STYX: variants seen among roughly 807,000 people sequenced by gnomAD.
The protein encoded by STYX is serine/threonine/tyrosine interacting protein, also known as serine/threonine/tyrosine-interacting protein.
In STYX, 20 loss-of-function variants were observed where a neutral mutation model predicts 42.7. The ratio of observed to expected loss-of-function variants is 0.47; its 90% CI spans 0.33 to 0.68. The LOEUF is 0.68. Among genes scored for constraint, STYX ranks in the 30% least tolerant of loss-of-function variants. STYX has a pLI of 0.02. For synonymous variants in STYX, 78 were observed against 81.9 expected, an observed-to-expected ratio of 0.95 and a Z score of 0.26; for missense variants, 226 against 268.5, an observed-to-expected ratio of 0.84 and a Z score of 1.11.
intron 10 of STYX, among the ~76,000 whole-genome samples, 197 bp downstream of exon 10, chr14:52,769,130 G>T: frequency 6.6e-6 from 1 of 152,190 alleles, no homozygotes; most frequent in South Asian, 2.1e-4. Context: ...TAGTACATCC[G>T]TGTTGTAAAG....
intron 3 of STYX, among the ~76,000 whole-genome samples, chr14:52,747,707 C>T (rs1881443449): frequency 6.6e-6 from 1 of 152,176 alleles, no homozygotes; most frequent in African/African-American, 2.4e-5. Context: ...CAGTATTTAT[C>T]ACATTAAATT....
At position 52,773,300 on chromosome 14, in the gene STYX, T is replaced by G. The variant is rs950949857; in HGVS notation, c.*2194T>G. 65 of 151,256 alleles carry G rather than the reference T, an allele frequency of 4.3e-4. No homozygotes were observed. The highest frequency in any genetic ancestry group is 8.5e-4 in the Non-Finnish European group (58 of 67,952). The allele number at this position is 151,256 out of a possible 1,614,324, so 9.4% of individuals were successfully genotyped here. A position where few individuals can be genotyped will look rare whatever the true frequency, so the allele number is the denominator to read the frequency against. On this transcript the variant is annotated 3_prime_UTR_variant, in exon 11 of 11. Transcript: ENST00000354586. ...ACTGGGAAAAGGGACTGTCATCATCTTGAGTACTCTGTGTGTATATATATA... is the reference window on the plus strand; with the variant it reads ...ACTGGGAAAAGGGACTGTCATCATCGTGAGTACTCTGTGTGTATATATATA...
In STYX at chr14:52,762,838, TG is replaced by T. The variant is rs1434614596; in HGVS notation, c.504+3085del. Among the ~76,000 whole-genome samples, 4 of 151,554 alleles carry T rather than the reference TG, an allele frequency of 2.6e-5. No individual in the cohort carries two copies. The South Asian group carries it at 8.3e-4, about 31-fold the overall frequency. On this transcript the variant is annotated intron_variant, in intron 9 of 10. Transcript: ENST00000354586. ...TTCTCAGACAACATTCTTCATTTGG[TG>T]TATCGGTTTGATTTTTTCTTTTCTT...
rs1882410582 is a variant in STYX at position 52,768,937 on chromosome 14, A to G, written c.598+4A>G. The G allele has an allele frequency of 1.3e-6, 2 of 1,565,194 alleles. No individual in the cohort carries two copies. Among genetic ancestry groups the G allele is most frequent in the Non-Finnish European group, 1.7e-6 (2 of 1,160,442 alleles). ...TCTGTTCATTCTGGTACCACAGGTAAGGATTTTTTTCTTTTTGGAGAAATT... is the reference window on the plus strand; with the variant it reads ...TCTGTTCATTCTGGTACCACAGGTAGGGATTTTTTTCTTTTTGGAGAAATT... On this transcript the variant is annotated splice_donor_region_variant and intron_variant, in intron 10 of 10. Coordinates refer to ENST00000354586, the MANE Select transcript of STYX (RefSeq NM_145251.4).
At chr14:52,749,969 T>C (rs572140810) in intron 3 of STYX, among the ~76,000 whole-genome samples, 1 of 152,314 alleles carries the variant, frequency 6.6e-6, no homozygotes, top group South Asian at 2.1e-4. Context: ...TAAATGAATT[T>C]TGTGTTTAAA....
chr14:52,746,611 T>G, intron 3 of STYX, 132 bp downstream of exon 3: 1 of 684,942 alleles, frequency 1.5e-6, no homozygotes, highest in South Asian at 2.1e-5. Flanking sequence ...ATTGTCACTC[T>G]GGAGTACCTT....
In STYX at chr14:52,759,149, G is replaced by T. The variant is rs539584300; in HGVS notation, c.432-533G>T. On this transcript the variant is annotated intron_variant, in intron 8 of 10. Coordinates refer to ENST00000354586, the MANE Select transcript of STYX (RefSeq NM_145251.4). ...TTTATATATTTATTTTAGAGACAGG[G>T]TCTTCCTTTGTTTCTCAGGCTGGAG... is the stretch of plus-strand genomic sequence containing the variant. 3.0e-4 allele frequency among the ~76,000 whole-genome samples: 45 copies of T among 152,076 alleles called. No homozygotes were observed. In the South Asian group the frequency reaches 8.3e-3, roughly 28 times the overall value.
intron 9 of STYX, among the ~76,000 whole-genome samples, chr14:52,761,260 G>A (rs551976017): frequency 8.6e-5 from 13 of 151,618 alleles, no homozygotes; most frequent in East Asian, 7.8e-4. Context: ...CCTGGGAGGC[G>A]GAGGTTGTGG....
chr14:52,730,473 C>T lies in STYX; in HGVS notation c.-2C>T, dbSNP rs1566665331. The T allele has an allele frequency of 6.2e-7, 1 of 1,613,634 alleles. No individual in the cohort carries two copies. The highest frequency in any genetic ancestry group is 8.5e-7 in the Non-Finnish European group (1 of 1,179,824). ...CCACCCACCAGCCCGCGGGCCAGCA[C>T]CATGGAGGACGTGAAGCTGGAGTTC... On this transcript the variant is annotated 5_prime_UTR_variant, in exon 1 of 11. Coordinates refer to ENST00000354586, the MANE Select transcript of STYX (RefSeq NM_145251.4).
chr14:52,769,378 T>C lies in STYX; in HGVS notation c.598+445T>C, dbSNP rs117856845. ...TCCTTTCCCAAGACCTTGCTACCTG[T>C]GTTTATCACCTTTGTTTCTCTCCCA... On this transcript the variant is annotated intron_variant, in intron 10 of 10. Coordinates refer to ENST00000354586, the MANE Select transcript of STYX (RefSeq NM_145251.4). Among the ~76,000 whole-genome samples, 3 of 152,304 alleles carry C rather than the reference T, an allele frequency of 2.0e-5. No individual in the cohort carries two copies. The South Asian group carries it at 6.2e-4, about 32-fold the overall frequency.
chr14:52,762,052 A>G (rs1882115763), intron 9 of STYX, among the ~76,000 whole-genome samples: 1 of 148,818 alleles, frequency 6.7e-6, no homozygotes, highest in Non-Finnish European at 1.5e-5. Context: ...TCACAAAAGA[A>G]AAAAAAAAAT....
At chr14:52,751,411 T>C (rs1483775712) in intron 4 of STYX, among the ~76,000 whole-genome samples, 1 of 152,214 alleles carries the variant, frequency 6.6e-6, no homozygotes, top group African/African-American at 2.4e-5. Flanking sequence ...TATTACTCAA[T>C]TTATATGTGA....
intron 10 of STYX, among the ~76,000 whole-genome samples, chr14:52,769,153 CG>C (rs1305617100): frequency 6.6e-6 from 1 of 152,030 alleles, no homozygotes; most frequent in African/African-American, 2.4e-5. Context: ...TAAAATAATA[CG>C]AATCTGGAGA....
chr14:52,747,548 A>G (rs1214351439), intron 3 of STYX, among the ~76,000 whole-genome samples: 1 of 152,206 alleles, frequency 6.6e-6, no homozygotes, highest in African/African-American at 2.4e-5. Flanking sequence ...GCAGGTAACT[A>G]TAGACATAGC....
At chr14:52,758,785 A>T (rs939915147) in intron 8 of STYX, among the ~76,000 whole-genome samples, 1 of 152,142 alleles carries the variant, frequency 6.6e-6, no homozygotes, top group African/African-American at 2.4e-5. Context: ...CATGTTGGCC[A>T]GGATGGTCTC....
chr14:52,757,422 A>G (rs1371781547), intron 6 of STYX, 67 bp downstream of exon 6: 2 of 1,412,550 alleles, frequency 1.4e-6, no homozygotes, highest in East Asian at 4.6e-5. Context: ...TTTAGTTGGT[A>G]TTTGTCTTAA....
At position 52,756,488 on chromosome 14, in the gene STYX, T is replaced by G. The variant is rs1004806666; in HGVS notation, c.243-63T>G. ...TGGTTAACAAGAAATAATGAGTTAT[T>G]TTTTTAAAGTACCTTAAGTGTTTTA... On this transcript the variant is annotated intron_variant, in intron 4 of 10. Transcript: ENST00000354586. 4.1e-6 allele frequency: 4 copies of G among 965,358 alleles called. No individual in the cohort carries two copies. In the African/African-American group the frequency reaches 6.8e-5, roughly 16 times the overall value. 59.8% of individuals were successfully genotyped at this position (965,358 alleles called of 1,614,324 possible). A position where few individuals can be genotyped will look rare whatever the true frequency, so the allele number is the denominator to read the frequency against.
intron 2 of STYX, 152 bp from the exon 3 acceptor site, chr14:52,746,274 G>GA (rs200217897): frequency 0.05 from 22,104 of 442,618 alleles, 15 homozygotes; most frequent in East Asian, 0.094. Context: ...ATTTTTTAAA[G>GA]AAAAAAAAAA....
chr14:52,749,892 A>C (rs1484763739), intron 3 of STYX, among the ~76,000 whole-genome samples: 1 of 152,170 alleles, frequency 6.6e-6, no homozygotes, highest in East Asian at 1.9e-4. Flanking sequence ...CACTGTCAAA[A>C]TTTTGTTTCA....
Sources: gnomAD v4.1 joint callset for allele counts (sites outside exome capture counted in the v4.1 genomes callset) on GRCh38, gnomAD v4.1.1 for gene constraint, MANE v1.5 for transcripts, NCBI Gene and HGNC (gene_info 2026-07-23, HGNC 2026-07-21) for gene names.